The following HNRNPR variants were observed in gnomAD, a reference collection of about 807,000 sequenced individuals.
The protein encoded by HNRNPR is heterogeneous nuclear ribonucleoprotein R.
A neutral mutation model predicts 70.3 loss-of-function variants in HNRNPR; 4 were observed. The observed-to-expected ratio is 0.06, with a 90% CI of 0.03 to 0.13. HNRNPR has a LOEUF of 0.13. Ranked by LOEUF, HNRNPR falls within the 10% of genes least tolerant of loss-of-function variation. The probability of loss-of-function intolerance (pLI) is 1.00; values close to 1 mark genes in which losing one functional copy is unlikely to be tolerated. For missense variants in HNRNPR, 423 were observed against 788.5 expected (o/e 0.54, Z 5.55); for synonymous variants, 241 against 267.6 (o/e 0.90, Z 0.97).
Position 23,311,030 on chromosome 1 carries a change from C to T in HNRNPR, c.1326G>A (p.Met442Ile). The change falls in exon 11 of 11, where the codon ATG (methionine) becomes ATA (isoleucine). Residue 442 changes from methionine (M) to isoleucine (I), a missense_variant. By Grantham distance (10) the Met-to-Ile change is conservative (BLOSUM62 1). Transcript: ENST00000302271. ...EDYYYHPPPR[M>I]PPPIRGRGRG... Reference sequence around the variant, plus strand: ...GACCCCGACCTCTAATTGGAGGTGGCATGCGAGGAGGAGGGTGGTAGTAAT... The same window carrying T: ...GACCCCGACCTCTAATTGGAGGTGGTATGCGAGGAGGAGGGTGGTAGTAAT... 1 of 1,614,068 alleles carries T rather than the reference C, an allele frequency of 6.2e-7. No individual in the cohort carries two copies. Among genetic ancestry groups the T allele is most frequent in the Non-Finnish European group, 8.5e-7 (1 of 1,179,980 alleles).
rs779745852 is a variant in HNRNPR, at chr1:23,318,674, C to T, written c.826G>A (p.Val276Ile). The change falls in exon 8 of 11, where the codon GTT becomes ATT. Residue 276 changes from valine (V) to isoleucine (I), a missense_variant. Transcript: ENST00000302271. The surrounding 1 kb of genome is among the most constrained non-coding windows in gnomAD (Gnocchi z 4.2). The stretch of plus-strand genomic sequence containing the variant: ...TCATCGGGTTGATGATAGAGAATAA[C>T]GTCCACCAAACCCTCTGTTAAACCA... ...FSKVTEGLVD[V>I]ILYHQPDDKK... 17 of 1,614,052 alleles carry T rather than the reference C, an allele frequency of 1.1e-5. No individual in the cohort carries two copies. The highest frequency in any genetic ancestry group is 1.4e-5 in the Non-Finnish European group (17 of 1,180,044).
chr1:23,330,450 G>A (rs139079282), intron 5 of HNRNPR, among the ~76,000 whole-genome samples: 7 of 152,144 alleles, frequency 4.6e-5, no homozygotes, highest in East Asian at 3.9e-4. Flanking sequence ...CAGGAGGATC[G>A]CTTGAACCTG....
At chr1:23,323,529 C>T (rs777225626) in intron 6 of HNRNPR, 27 bp downstream of exon 6, 2 of 1,594,856 alleles carry the variant, frequency 1.3e-6, no homozygotes, top group Non-Finnish European at 8.6e-7. Context: ...TAGTGACTTG[C>T]TAAGACAGTG....
rs116323419 is a variant in HNRNPR at position 23,333,491 on chromosome 1, C to G, written c.498+27G>C. 2.0e-3 allele frequency: 2,885 copies of G among 1,413,946 alleles called. 38 individuals carry two copies. In the African/African-American group the frequency reaches 0.032, roughly 16 times the overall value. 87.6% of individuals were successfully genotyped at this position (1,413,946 alleles called of 1,614,324 possible). A position where few individuals can be genotyped will look rare whatever the true frequency, so the allele number is the denominator to read the frequency against. On this transcript the variant is annotated intron_variant, in intron 5 of 10. Coordinates refer to ENST00000302271, the MANE Select transcript of HNRNPR (RefSeq NM_005826.5). ...AAAACACTTTCCAAACTGGAAAGATCTTGGTAAACTGCTAAAGAACACTTA... is the reference window on the plus strand; with the variant it reads ...AAAACACTTTCCAAACTGGAAAGATGTTGGTAAACTGCTAAAGAACACTTA...
At chr1:23,338,184 A>G (rs1449752227) in intron 3 of HNRNPR, 2 of 314,372 alleles carry the variant, frequency 6.4e-6, no homozygotes, top group Non-Finnish European at 5.7e-6. Flanking sequence ...ATAAAACAGG[A>G]TCAAATAACC....
chr1:23,327,683 CT>C (rs1388528904), intron 5 of HNRNPR, among the ~76,000 whole-genome samples: 2 of 150,328 alleles, frequency 1.3e-5, no homozygotes, highest in African/African-American at 5.0e-5. Flanking sequence ...GAGTGAGACT[CT>C]GTCTTAAATA....
Position 23,313,729 on chromosome 1 carries a change from G to A in HNRNPR, c.1018-27C>T, listed in dbSNP as rs613869. 0.012 allele frequency: 18,926 copies of A among 1,589,648 alleles called. 1,776 individuals are homozygous for A. In the African/African-American group the frequency reaches 0.21, roughly 18 times the overall value. The stretch of plus-strand genomic sequence containing the variant: ...TAGTAAGCAACAAATAAACAAAACC[G>A]TCATTGGCTACTTAATTTTACCTGA... On this transcript the variant is annotated intron_variant, in intron 8 of 10. Transcript: ENST00000302271.
intron 5 of HNRNPR, among the ~76,000 whole-genome samples, chr1:23,331,003 G>A (rs192170057): frequency 1.7e-4 from 26 of 152,270 alleles, no homozygotes; most frequent in African/African-American, 3.9e-4. Context: ...TTGTCAACAA[G>A]TACTTGCACA....
At chr1:23,339,450 C>T (rs145020848) in intron 2 of HNRNPR, among the ~76,000 whole-genome samples, 1 of 152,286 alleles carries the variant, frequency 6.6e-6, no homozygotes, top group African/African-American at 2.4e-5. Flanking sequence ...CAACTGCACA[C>T]AGAACATCTA....
chr1:23,322,266 C>T (rs1645791153), intron 6 of HNRNPR, among the ~76,000 whole-genome samples: 2 of 150,738 alleles, frequency 1.3e-5, no homozygotes, highest in African/African-American at 2.4e-5. Flanking sequence ...GATGGAGTCT[C>T]GCTCTGTCAT....
chr1:23,341,453 C>A (rs776024809), intron 1 of HNRNPR, among the ~76,000 whole-genome samples: 5 of 152,126 alleles, frequency 3.3e-5, no homozygotes, highest in Non-Finnish European at 7.4e-5. Context: ...TAAGGACTTT[C>A]AAATTTTCCT....
At chr1:23,312,316 C>A (rs1317345774) in intron 9 of HNRNPR, among the ~76,000 whole-genome samples, 5 of 152,202 alleles carry the variant, frequency 3.3e-5, no homozygotes, top group Admixed American at 2.6e-4. Flanking sequence ...TCTGCCCTGA[C>A]CATCCTGGTG....
chr1:23,316,835 C>T (rs1054408225), intron 8 of HNRNPR, among the ~76,000 whole-genome samples: 1 of 152,014 alleles, frequency 6.6e-6, no homozygotes, highest in African/African-American at 2.4e-5. Context: ...ATTCTCTATC[C>T]CTTTCCTAGA....
At chr1:23,323,289 T>G (rs1266642409) in intron 6 of HNRNPR, among the ~76,000 whole-genome samples, 1 of 152,200 alleles carries the variant, frequency 6.6e-6, no homozygotes, top group Non-Finnish European at 1.5e-5. Flanking sequence ...AGCCAAATAC[T>G]CATATGAAAC....
intron 7 of HNRNPR, 51 bp downstream of exon 7, chr1:23,321,477 G>A: frequency 4.6e-6 from 7 of 1,507,824 alleles, no homozygotes; most frequent in Non-Finnish European, 6.4e-6. Context: ...GCACTTGTAA[G>A]TAGTACAACA....
At chr1:23,315,723 A>G (rs957260785) in intron 8 of HNRNPR, among the ~76,000 whole-genome samples, 1 of 152,252 alleles carries the variant, frequency 6.6e-6, no homozygotes, top group African/African-American at 2.4e-5. Flanking sequence ...ACCTATCCAA[A>G]TAAAAAACTA....
chr1:23,310,152 A>C lies in HNRNPR; in HGVS notation c.*302T>G. On this transcript the variant is annotated 3_prime_UTR_variant, in exon 11 of 11. Coordinates refer to ENST00000302271, the MANE Select transcript of HNRNPR (RefSeq NM_005826.5). The surrounding 1 kb of genome is among the most constrained non-coding windows in gnomAD (Gnocchi z 6.0). ...ACTGTCCAAAACCAAAGGTTCTGCA[A>C]AATCATGATTTAACAGTGTGCCCAG... The C allele has an allele frequency of 4.4e-6, 1 of 225,934 alleles. No individual in the cohort carries two copies. The highest frequency in any genetic ancestry group is 2.3e-5 in the African/African-American group (1 of 43,850). 14.0% of individuals were successfully genotyped at this position (225,934 alleles called of 1,614,324 possible). A position where few individuals can be genotyped will look rare whatever the true frequency, so the allele number is the denominator to read the frequency against.
rs1645845360 is a variant in HNRNPR at position 23,323,690 on chromosome 1, A to G, written c.541T>C (p.Leu181=). The G allele has an allele frequency of 6.2e-7, 1 of 1,613,872 alleles. No individual in the cohort carries two copies. The highest frequency in any genetic ancestry group is 1.3e-5 in the African/African-American group (1 of 74,912). ...KIPRDLYEDE[L]VPLFEKAGPI... ...CCGGCCTTCTCAAAAAGGGGCACCA[A>G]CTCATCCTCATATAAATCCCTTGGT... Residue 181 remains leucine, a synonymous_variant, in exon 6 of 11, where the codon TTG becomes CTG. Transcript: ENST00000302271.
At chr1:23,333,983 G>A (rs1480082330) in intron 4 of HNRNPR, among the ~76,000 whole-genome samples, 9 of 151,764 alleles carry the variant, frequency 5.9e-5, no homozygotes, top group Non-Finnish European at 4.4e-5. Context: ...GCATCGTCTC[G>A]GCTCACTGCA....
Sources: gnomAD v4.1 joint callset for allele counts (sites outside exome capture counted in the v4.1 genomes callset) on GRCh38, gnomAD v4.1.1 for gene constraint, Gnocchi (gnomAD v3.1) non-coding constraint, MANE v1.5 for transcripts, NCBI Gene and HGNC (gene_info 2026-07-23, HGNC 2026-07-21) for gene names.